Variants in DEPDC4 observed in about 807,000 individuals in gnomAD.
DEPDC4 encodes the protein DEP domain-containing protein 4.
Under a neutral mutation model 52.0 loss-of-function variants are expected in DEPDC4, and 52 were observed. The observed-to-expected ratio is 1.00, with a 90% CI of 0.80 to 1.26. The LOEUF is 1.26. Among genes scored for constraint, DEPDC4 ranks in the 50% most tolerant of loss-of-function variants. The pLI is 0.00. For missense variants in DEPDC4, 530 were observed against 546.9 expected (o/e 0.97, Z 0.31); for synonymous variants, 201 against 196.8 (o/e 1.02, Z -0.18).
chr12:100,233,749 A>G (rs2096137551), intron 9 of DEPDC4, among the ~76,000 whole-genome samples: 1 of 152,194 alleles, frequency 6.6e-6, no homozygotes, highest in South Asian at 2.1e-4. Flanking sequence ...ATCAGCAAAT[A>G]GAAGCACTTG....
chr12:100,237,978 C>T, downstream of DEPDC4: 1 of 660,116 alleles, frequency 1.5e-6, no homozygotes, highest in Non-Finnish European at 1.9e-6. Context: ...CTGATTCACA[C>T]TGAACATTAA....
At chr12:100,274,977 T>C in the DEPDC4 span, among the ~76,000 whole-genome samples, 2 of 152,322 alleles carry the variant, frequency 1.3e-5, no homozygotes, top group African/African-American at 4.8e-5. Context: ...TTCTAGATTA[T>C]TGGGGATAAC....
chr12:100,279,240 G>T, the DEPDC4 span, among the ~76,000 whole-genome samples: 2 of 152,236 alleles, frequency 1.3e-5, no homozygotes. Context: ...CTCATAAGGA[G>T]CACACAACCT....
At chr12:100,280,322 A>G in the DEPDC4 span, among the ~76,000 whole-genome samples, 1 of 152,250 alleles carries the variant, frequency 6.6e-6, no homozygotes, top group African/African-American at 2.4e-5. Flanking sequence ...TAACATTTTC[A>G]TAACTACAAA....
upstream of DEPDC4, among the ~76,000 whole-genome samples, chr12:100,271,260 C>CA (rs11354103): frequency 0.021 from 1,743 of 83,038 alleles, 67 homozygotes; most frequent in African/African-American, 0.07. Flanking sequence ...TGCAGAGCAG[C>CA]AAAAAAAAAA....
upstream of DEPDC4, among the ~76,000 whole-genome samples, chr12:100,271,260 C>CAAAAAA (rs11354103): frequency 1.1e-4 from 9 of 83,330 alleles, no homozygotes; most frequent in African/African-American, 2.6e-4. Flanking sequence ...TGCAGAGCAG[C>CAAAAAA]AAAAAAAAAA....
At chr12:100,257,068 T>C (rs1237514359) in intron 3 of DEPDC4, among the ~76,000 whole-genome samples, 1 of 152,170 alleles carries the variant, frequency 6.6e-6, no homozygotes, top group Non-Finnish European at 1.5e-5. Context: ...GTTTTTCCTT[T>C]ATTTTTATTT....
At chr12:100,265,462 G>A (rs192771646) in intron 1 of DEPDC4, among the ~76,000 whole-genome samples, 1 of 152,222 alleles carries the variant, frequency 6.6e-6, no homozygotes, top group East Asian at 1.9e-4. Context: ...TGGGCATGGT[G>A]TCGCACGCCT....
At chr12:100,275,871 G>T in the DEPDC4 span, among the ~76,000 whole-genome samples, 1 of 152,138 alleles carries the variant, frequency 6.6e-6, no homozygotes, top group East Asian at 1.9e-4. Flanking sequence ...AGTTTCCTAA[G>T]AGTTTTTATT....
intron 4 of DEPDC4, among the ~76,000 whole-genome samples, chr12:100,254,319 C>CTTTTT (rs67921438): frequency 7.8e-5 from 7 of 89,436 alleles, no homozygotes; most frequent in Admixed American, 1.3e-4. Flanking sequence ...TTTTTTTTGA[C>CTTTTT]TTTTTTTTTT....
chr12:100,274,693 G>GT, the DEPDC4 span, among the ~76,000 whole-genome samples: 1 of 152,162 alleles, frequency 6.6e-6, no homozygotes, highest in Non-Finnish European at 1.5e-5. Flanking sequence ...GAAATACTTT[G>GT]TTTTAGTCAA....
At chr12:100,277,791 C>T in the DEPDC4 span, among the ~76,000 whole-genome samples, 9 of 151,592 alleles carry the variant, frequency 5.9e-5, no homozygotes, top group Non-Finnish European at 1.0e-4. Flanking sequence ...TCCTCTTTTC[C>T]GCTTCTTTTT....
At chr12:100,272,132 A>G in the DEPDC4 span, among the ~76,000 whole-genome samples, 3 of 152,134 alleles carry the variant, frequency 2.0e-5, no homozygotes, top group Admixed American at 6.5e-5. Context: ...GCTACCCCAA[A>G]TCCTATTTTG....
chr12:100,260,781 A>T (rs546918698), intron 3 of DEPDC4, among the ~76,000 whole-genome samples: 1 of 152,294 alleles, frequency 6.6e-6, no homozygotes, highest in Admixed American at 6.5e-5. Context: ...CTATAGTTCC[A>T]ACTACTCTGG....
Position 100,262,389 on chromosome 12 carries a change from GA to G in DEPDC4, c.574del (p.Ser192GlnfsTer4), listed in dbSNP as rs745816847. On this transcript the variant is annotated frameshift_variant, in exon 3 of 10. Coordinates refer to ENST00000550587, the MANE Select transcript of DEPDC4 (RefSeq NM_001364818.2). LOFTEE classifies it high-confidence loss of function. ...ETLRPGYEMI[S>X]NPLAQEIGEE... is the part of the protein sequence containing the mutation. ...ACCAATCTCCTGTGCTAGAGGATTT[GA>G]AATCATTTCATATCCTGGTCTGTTA... 27 of 1,608,700 alleles carry G rather than the reference GA, an allele frequency of 1.7e-5. No individual in the cohort carries two copies. Among genetic ancestry groups the G allele is most frequent in the Non-Finnish European group, 1.1e-5 (13 of 1,178,958 alleles).
rs768916253 is a variant in DEPDC4 at position 100,267,050 on chromosome 12, G to C, written c.27C>G (p.Arg9=). MVPGEEPA[R]ELMAVLLTPR... is the part of the protein sequence containing the mutation. ...GAGTCAAAAGAACCGCCATAAGCTC[G>C]CGCGCTGGCTCCTCCCCTGGCACCA... Residue 9 remains arginine, a synonymous_variant, in exon 1 of 10, where the codon CGC becomes CGG. Coordinates refer to ENST00000550587, the MANE Select transcript of DEPDC4 (RefSeq NM_001364818.2). 1 of 1,613,588 alleles carries C rather than the reference G, an allele frequency of 6.2e-7. No homozygotes were observed. Among genetic ancestry groups the C allele is most frequent in the African/African-American group, 1.3e-5 (1 of 74,926 alleles).
At chr12:100,268,362 GTCAGGTGCTTGAAGAT>G (rs1349987601), upstream of DEPDC4, among the ~76,000 whole-genome samples, 36 of 152,358 alleles carry the variant, frequency 2.4e-4, no homozygotes, top group Non-Finnish European at 4.7e-4. Context: ...TGGCTTGAAA[GTCAGGTGCTTGAAGAT>G]TCCTTTTGGA....
intron 8 of DEPDC4, among the ~76,000 whole-genome samples, chr12:100,247,628 T>C (rs371568056): frequency 6.6e-6 from 1 of 152,220 alleles, no homozygotes; most frequent in East Asian, 1.9e-4. Context: ...AGCCATTTAA[T>C]GTTTGCTTTG....
At chr12:100,254,319 CTTTTTTT>C (rs67921438) in intron 4 of DEPDC4, among the ~76,000 whole-genome samples, 15 of 89,400 alleles carry the variant, frequency 1.7e-4, no homozygotes, top group East Asian at 3.3e-4. Flanking sequence ...TTTTTTTTGA[CTTTTTTT>C]TTTTTTTTTT....
Sources: allele counts gnomAD v4.1 joint callset (sites outside exome capture counted in the v4.1 genomes callset), GRCh38; gene constraint gnomAD v4.1.1; transcripts MANE v1.5; gene names NCBI Gene and HGNC (gene_info 2026-07-23, HGNC 2026-07-21).